Variants in LRP5 observed in about 807,000 individuals in gnomAD.
LRP5 encodes the protein LDL receptor related protein 5, also known as low-density lipoprotein receptor-related protein 5.
LRP5 carries 62 observed loss-of-function variants against 154.1 expected under a neutral mutation model. The ratio of observed to expected loss-of-function variants is 0.40; its 90% CI spans 0.33 to 0.50. LRP5 has a LOEUF of 0.50. LRP5 is among the 20% of genes least tolerant of loss of function. The pLI is 0.55. For missense variants in LRP5, 1,915 were observed against 2,336.7 expected (o/e 0.82, Z 3.72); for synonymous variants, 966 against 1,011.5 (o/e 0.96, Z 0.85).
intron 7 of LRP5, among the ~76,000 whole-genome samples, chr11:68,392,414 G>A (rs554320867): frequency 9.3e-4 from 141 of 152,298 alleles, no homozygotes; most frequent in African/African-American, 3.3e-3. Flanking sequence ...TGAGGCAGGA[G>A]AATCGCTTGA....
At chr11:68,412,742 C>T (rs2098660348) in intron 11 of LRP5, among the ~76,000 whole-genome samples, 1 of 152,150 alleles carries the variant, frequency 6.6e-6, no homozygotes, top group South Asian at 2.1e-4. Flanking sequence ...GTCACCTGGG[C>T]AGCCCTGACT....
intron 13 of LRP5, among the ~76,000 whole-genome samples, chr11:68,420,342 T>C (rs776003603): frequency 1.3e-5 from 2 of 152,184 alleles, no homozygotes; most frequent in Non-Finnish European, 2.9e-5. Flanking sequence ...TCATGTGACA[T>C]GGTGTCCTCA....
chr11:68,362,151 C>T (rs2098628444), intron 3 of LRP5, among the ~76,000 whole-genome samples: 2 of 151,994 alleles, frequency 1.3e-5, no homozygotes, highest in Admixed American at 6.6e-5. Context: ...AACATGGTGC[C>T]AAGTCAAAGA....
chr11:68,300,647 C>T, the LRP5 span, among the ~76,000 whole-genome samples: 12 of 149,592 alleles, frequency 8.0e-5, no homozygotes, highest in African/African-American at 2.2e-4. Flanking sequence ...AGAGGCCATA[C>T]GGATGCCTCC....
At chr11:68,344,572 G>A (rs568544566) in intron 1 of LRP5, among the ~76,000 whole-genome samples, 45 of 151,814 alleles carry the variant, frequency 3.0e-4, no homozygotes, top group African/African-American at 8.7e-4. Context: ...TGCCCGCCTC[G>A]GCCTCCCAAA....
intron 13 of LRP5, among the ~76,000 whole-genome samples, chr11:68,417,721 G>A (rs1438983998): frequency 6.6e-6 from 1 of 152,014 alleles, no homozygotes; most frequent in East Asian, 2.0e-4. Context: ...GATCACCTGA[G>A]GTCAGGGGTT....
chr11:68,313,011 C>T (rs1326673129), intron 1 of LRP5, among the ~76,000 whole-genome samples: 2 of 147,918 alleles, frequency 1.4e-5, no homozygotes, highest in African/African-American at 4.9e-5. Flanking sequence ...GGGCCCTCCC[C>T]GGGGACGCTG....
Position 68,363,783 on chromosome 11 carries a change from C to T in LRP5, c.723C>T (p.Phe241=), listed in dbSNP as rs775422664. 39 of 1,613,028 alleles carry T rather than the reference C, an allele frequency of 2.4e-5. No individual in the cohort carries two copies. The highest frequency in any genetic ancestry group is 1.6e-4 in the Middle Eastern group (1 of 6,084). Reference sequence around the variant, plus strand: ...TGGAGGGCAGCCTGACGCACCCCTTCGCCCTGACGCTCTCCGGGGACACTC... The same window carrying T: ...TGGAGGGCAGCCTGACGCACCCCTTTGCCCTGACGCTCTCCGGGGACACTC... The part of the protein sequence containing the change: ...KVVEGSLTHP[F]ALTLSGDTLY... Residue 241 remains phenylalanine, a synonymous_variant, in exon 4 of 23, where the codon TTC becomes TTT. Transcript: ENST00000294304.
chr11:68,405,321 A>G (rs1422374677), intron 8 of LRP5, among the ~76,000 whole-genome samples: 1 of 151,752 alleles, frequency 6.6e-6, no homozygotes, highest in African/African-American at 2.4e-5. Flanking sequence ...AAAAAAAAAA[A>G]TTAGCCCGGC....
At position 68,371,472 on chromosome 11, in the gene LRP5, C is replaced by A. The variant is rs1354541362; in HGVS notation, c.1015+5770C>A. ...GCCTGGGGCTTTAGTATCCAAATGT[C>A]CTGCCCTCCAGGTTTCATTCCTTGC... is the stretch of plus-strand genomic sequence containing the variant. On this transcript the variant is annotated intron_variant, in intron 5 of 22. Coordinates refer to ENST00000294304, the MANE Select transcript of LRP5 (RefSeq NM_002335.4). Among the ~76,000 whole-genome samples, 7 of 152,340 alleles carry A rather than the reference C, an allele frequency of 4.6e-5. No individual in the cohort carries two copies. The East Asian group carries it at 1.4e-3, about 29-fold the overall frequency.
At chr11:68,381,875 G>C (rs907556695) in intron 5 of LRP5, among the ~76,000 whole-genome samples, 5 of 152,194 alleles carry the variant, frequency 3.3e-5, no homozygotes, top group African/African-American at 1.2e-4. Context: ...TCTACACACA[G>C]AACCTCCTGG....
chr11:68,305,575 T>C, the LRP5 span, among the ~76,000 whole-genome samples: 292 of 152,266 alleles, frequency 1.9e-3, 1 homozygote, highest in African/African-American at 6.8e-3. Context: ...CCTGAGTAGC[T>C]GGGACTACAG....
chr11:68,395,954 A>AG (rs925392230), intron 7 of LRP5, among the ~76,000 whole-genome samples: 1 of 152,112 alleles, frequency 6.6e-6, no homozygotes, highest in African/African-American at 2.4e-5. Context: ...CACTTTGTTC[A>AG]GGGGTGGATG....
chr11:68,435,895 T>A (rs2098674614), intron 18 of LRP5, among the ~76,000 whole-genome samples: 1 of 152,114 alleles, frequency 6.6e-6, no homozygotes, highest in Non-Finnish European at 1.5e-5. Flanking sequence ...CCGGCTAATT[T>A]TTGTATTTTC....
chr11:68,357,408 C>T (rs539786038), intron 2 of LRP5, among the ~76,000 whole-genome samples: 1 of 152,324 alleles, frequency 6.6e-6, no homozygotes, highest in South Asian at 2.1e-4. Context: ...AACAAGGAAT[C>T]TTTCTATCCA....
intron 5 of LRP5, among the ~76,000 whole-genome samples, chr11:68,373,688 C>G (rs1186915974): frequency 1.3e-5 from 2 of 152,214 alleles, no homozygotes; most frequent in African/African-American, 4.8e-5. Flanking sequence ...GCCCCAGGAC[C>G]AAGGCGGCAG....
In LRP5 at chr11:68,433,583, T is replaced by A. The variant is rs911908011; in HGVS notation, c.3764-19T>A. 3 of 1,601,732 alleles carry A rather than the reference T, an allele frequency of 1.9e-6. No homozygotes were observed. The highest frequency in any genetic ancestry group is 1.7e-6 in the Non-Finnish European group (2 of 1,169,726). ...CTGGGCGGGGCTGCGTGTGATGTTCTCCTCTGTCCCTCCCCCAGAGCCGCC... is the reference window on the plus strand; with the variant it reads ...CTGGGCGGGGCTGCGTGTGATGTTCACCTCTGTCCCTCCCCCAGAGCCGCC... On this transcript the variant is annotated intron_variant, in intron 17 of 22. Transcript: ENST00000294304.
chr11:68,315,995 A>G (rs994158160), intron 1 of LRP5, among the ~76,000 whole-genome samples: 2 of 152,140 alleles, frequency 1.3e-5, no homozygotes, highest in Non-Finnish European at 2.9e-5. Context: ...GAAGGCAGGC[A>G]TTTGGTACAT....
rs375188261 is a variant in LRP5 at position 68,389,606 on chromosome 11, C to CGACATTTACCGACACT, written c.1413-265_1413-250dup. ...TACCAACACTGACATTTACCGACAC[C>CGACATTTACCGACACT]GACATTTACCGACACTGACATTTAC... On this transcript the variant is annotated intron_variant, in intron 6 of 22. Coordinates refer to ENST00000294304, the MANE Select transcript of LRP5 (RefSeq NM_002335.4). Among the ~76,000 whole-genome samples, 19,354 of 151,710 alleles carry CGACATTTACCGACACT rather than the reference C, an allele frequency of 0.13. 1,665 individuals carry two copies. The highest frequency in any genetic ancestry group is 0.27 in the Admixed American group (4,125 of 15,176).
Sources: allele counts gnomAD v4.1 joint callset (sites outside exome capture counted in the v4.1 genomes callset), GRCh38; gene constraint gnomAD v4.1.1; transcripts MANE v1.5; gene names NCBI Gene and HGNC (gene_info 2026-07-23, HGNC 2026-07-21).